The following RBBP8 variants were observed in gnomAD, a reference collection of about 807,000 sequenced individuals.
The protein encoded by RBBP8 is RB binding protein 8, endonuclease.
In RBBP8, 88 loss-of-function variants were observed where a neutral mutation model predicts 108.3. That is an observed-to-expected ratio of 0.81 (90% CI 0.68 to 0.97). RBBP8 has a LOEUF of 0.97. Ranked by LOEUF, RBBP8 falls within the 50% of genes least tolerant of loss-of-function variation. The pLI is 0.00. For missense variants in RBBP8, 1,023 were observed against 1,049.0 expected (o/e 0.98, Z 0.34); for synonymous variants, 332 against 348.2 (o/e 0.95, Z 0.52).
intron 4 of RBBP8, among the ~76,000 whole-genome samples, chr18:22,951,704 T>C (rs1161287275): frequency 6.6e-6 from 1 of 152,198 alleles, no homozygotes; most frequent in Non-Finnish European, 1.5e-5. Context: ...AAGCCCCAGG[T>C]TGTTTACCCA....
intron 13 of RBBP8, 127 bp from the exon 14 acceptor site, chr18:22,997,492 AT>A: frequency 1.5e-6 from 1 of 688,058 alleles, no homozygotes. Context: ...AAAAGCAAAT[AT>A]AGCTTAATGC....
chr18:22,973,968 A>G (rs976825343), intron 5 of RBBP8, among the ~76,000 whole-genome samples: 4 of 152,216 alleles, frequency 2.6e-5, no homozygotes, highest in Non-Finnish European at 4.4e-5. Flanking sequence ...GTCACTGTCT[A>G]TATCTTAATT....
At chr18:22,972,813 A>AT (rs931051343) in intron 5 of RBBP8, among the ~76,000 whole-genome samples, 18 of 152,138 alleles carry the variant, frequency 1.2e-4, no homozygotes, top group Non-Finnish European at 2.4e-4. Flanking sequence ...CAAGCTAGAT[A>AT]TTTTTTTAAA....
At chr18:22,982,099 A>G (rs935108954) in intron 6 of RBBP8, 119 bp from the exon 7 acceptor site, 2 of 1,149,132 alleles carry the variant, frequency 1.7e-6, no homozygotes, top group African/African-American at 3.1e-5. Context: ...GGAACATTAG[A>G]TGCAAGGGAT....
chr18:22,962,787 G>A (rs761543449), intron 4 of RBBP8, among the ~76,000 whole-genome samples: 12 of 150,918 alleles, frequency 8.0e-5, no homozygotes, highest in Non-Finnish European at 1.3e-4. Flanking sequence ...TTTTCGTACG[G>A]ACAGGGTTTC....
At chr18:23,006,477 A>T (rs1055317420) in intron 16 of RBBP8, 45 bp downstream of exon 16, 1 of 1,400,800 alleles carries the variant, frequency 7.1e-7, no homozygotes, top group East Asian at 2.3e-5. Flanking sequence ...TGGAAGTACA[A>T]TAGAGCTGTC....
chr18:22,971,887 C>T (rs1175570066), intron 5 of RBBP8, among the ~76,000 whole-genome samples: 6 of 149,378 alleles, frequency 4.0e-5, no homozygotes, highest in Non-Finnish European at 5.9e-5. Context: ...CCTCGTGATC[C>T]GCTCACCTCG....
chr18:22,959,724 GTGTGTGTGTGTT>G (rs1312609533), intron 4 of RBBP8, among the ~76,000 whole-genome samples: 2 of 137,224 alleles, frequency 1.5e-5, no homozygotes, highest in Non-Finnish European at 3.1e-5. Context: ...ATATTTATAT[GTGTGTGTGTGTT>G]TGTGTGTGTG....
intron 9 of RBBP8, 95 bp downstream of exon 9, chr18:22,989,413 A>C: frequency 1.1e-6 from 1 of 931,624 alleles, no homozygotes; most frequent in Non-Finnish European, 1.7e-6. Flanking sequence ...GTTCTATCTA[A>C]AGATCTTGGG....
At chr18:22,942,155 G>A (rs981548235) in intron 2 of RBBP8, among the ~76,000 whole-genome samples, 2 of 151,956 alleles carry the variant, frequency 1.3e-5, no homozygotes, top group African/African-American at 2.4e-5. Flanking sequence ...GACTTTGCAG[G>A]TTTTAAGGTA....
At chr18:22,984,199 T>C (rs1190385482) in intron 7 of RBBP8, among the ~76,000 whole-genome samples, 1 of 152,194 alleles carries the variant, frequency 6.6e-6, no homozygotes, top group African/African-American at 2.4e-5. Flanking sequence ...ACTCTCAAGT[T>C]ATAAATAGTA....
intron 14 of RBBP8, among the ~76,000 whole-genome samples, chr18:23,000,610 C>T (rs1308275000): frequency 6.6e-6 from 1 of 151,772 alleles, no homozygotes; most frequent in Non-Finnish European, 1.5e-5. Context: ...GGTATGGTGG[C>T]GCACACCTCT....
intron 8 of RBBP8, among the ~76,000 whole-genome samples, chr18:22,987,846 C>T (rs367902477): frequency 1.3e-5 from 2 of 152,160 alleles, no homozygotes; most frequent in South Asian, 2.1e-4. Flanking sequence ...TATCTCTGTC[C>T]GACTTTTTTC....
chr18:22,981,623 T>C (rs941183827), intron 6 of RBBP8, among the ~76,000 whole-genome samples: 1 of 152,230 alleles, frequency 6.6e-6, no homozygotes, highest in Admixed American at 6.5e-5. Context: ...CCTGTATTTG[T>C]CAAGCATGCT....
chr18:23,016,774 A>T lies in RBBP8; in HGVS notation c.2358-54A>T, dbSNP rs962840647. The T allele has an allele frequency of 2.4e-6, 3 of 1,261,680 alleles. No individual in the cohort carries two copies. In the East Asian group the frequency reaches 7.0e-5, roughly 29 times the overall value. 78.2% of individuals were successfully genotyped at this position (1,261,680 alleles called of 1,614,324 possible). A position where few individuals can be genotyped will look rare whatever the true frequency, so the allele number is the denominator to read the frequency against. ...ATAAAAATGAATGAATGTTTTGGGGATTATTTCTCCTCTGAACTCTAAGCT... is the reference window on the plus strand; with the variant it reads ...ATAAAAATGAATGAATGTTTTGGGGTTTATTTCTCCTCTGAACTCTAAGCT... On this transcript the variant is annotated intron_variant, in intron 16 of 18. Coordinates refer to ENST00000327155, the MANE Select transcript of RBBP8 (RefSeq NM_002894.3).
intron 5 of RBBP8, among the ~76,000 whole-genome samples, chr18:22,972,977 C>A (rs1243373325): frequency 2.0e-5 from 3 of 152,140 alleles, no homozygotes; most frequent in African/African-American, 7.2e-5. Context: ...AGTTGGTCTT[C>A]TGAGCGTGAA....
chr18:22,958,377 A>G (rs994372733), intron 4 of RBBP8, among the ~76,000 whole-genome samples: 1 of 152,214 alleles, frequency 6.6e-6, no homozygotes, highest in Non-Finnish European at 1.5e-5. Flanking sequence ...CTTTGTCCCC[A>G]ATCAGTTGTT....
chr18:22,953,758 C>A (rs1350207089), intron 4 of RBBP8, among the ~76,000 whole-genome samples: 1 of 150,630 alleles, frequency 6.6e-6, no homozygotes, highest in East Asian at 1.9e-4. Flanking sequence ...TTTATTTTTC[C>A]CTGTATTAGT....
chr18:22,948,619 T>G (rs1013632829), intron 3 of RBBP8, among the ~76,000 whole-genome samples: 3 of 152,142 alleles, frequency 2.0e-5, no homozygotes, highest in Non-Finnish European at 4.4e-5. Flanking sequence ...CTTAGTTGTT[T>G]TACTCATCTA....
Sources: gnomAD v4.1 joint callset for allele counts (sites outside exome capture counted in the v4.1 genomes callset) on GRCh38, gnomAD v4.1.1 for gene constraint, MANE v1.5 for transcripts, NCBI Gene and HGNC (gene_info 2026-07-23, HGNC 2026-07-21) for gene names.